The following EPS15 variants were observed in gnomAD, a reference collection of about 807,000 sequenced individuals.
The protein encoded by EPS15 is epidermal growth factor receptor substrate 15.
In EPS15, 72 loss-of-function variants were observed where a neutral mutation model predicts 113.8. The ratio of observed to expected loss-of-function variants is 0.63; its 90% CI spans 0.52 to 0.77. The LOEUF is 0.77. EPS15 is among the 30% of genes least tolerant of loss of function. EPS15 has a pLI of 0.00. For synonymous variants in EPS15, 344 were observed against 363.4 expected (o/e 0.95, Z 0.61); for missense variants, 1,048 against 1,045.8 (o/e 1.00, Z -0.03).
chr1:51,448,557 C>T (rs2148483961), intron 8 of EPS15, among the ~76,000 whole-genome samples: 1 of 152,158 alleles, frequency 6.6e-6, no homozygotes, highest in South Asian at 2.1e-4. Flanking sequence ...TTAAATGGTC[C>T]ATTCTTTAAC....
chr1:51,389,426 T>C (rs1647194673), intron 21 of EPS15, among the ~76,000 whole-genome samples: 1 of 152,342 alleles, frequency 6.6e-6, no homozygotes, highest in Admixed American at 6.5e-5. Context: ...GGATGCCCTC[T>C]CTCACCACTC....
At position 51,413,298 on chromosome 1, in the gene EPS15, C is replaced by G. The variant is rs565517911; in HGVS notation, c.1114-3602G>C. ...TCAAACTCTACTGTTTGTTCCTAAC[C>G]TCTACTGTCATACTTAATACACTGT... On this transcript the variant is annotated intron_variant, in intron 13 of 24. Coordinates refer to ENST00000371733, the MANE Select transcript of EPS15 (RefSeq NM_001981.3). Among the ~76,000 whole-genome samples the G allele has an allele frequency of 3.9e-5, 6 of 152,310 alleles. No individual in the cohort carries two copies. The East Asian group carries it at 1.2e-3, about 29-fold the overall frequency.
intron 22 of EPS15, among the ~76,000 whole-genome samples, chr1:51,364,635 C>T (rs2148349497): frequency 6.6e-6 from 1 of 152,094 alleles, no homozygotes; most frequent in Admixed American, 6.5e-5. Context: ...GCTAGGACTA[C>T]AGGTGTGTAC....
chr1:51,435,228 C>T (rs1402206591), intron 12 of EPS15, among the ~76,000 whole-genome samples: 1 of 151,714 alleles, frequency 6.6e-6, no homozygotes, highest in Non-Finnish European at 1.5e-5. Context: ...CACTCTGTTG[C>T]CTAAGCTGGA....
At chr1:51,403,127 A>C (rs1648743383) in intron 17 of EPS15, among the ~76,000 whole-genome samples, 1 of 152,164 alleles carries the variant, frequency 6.6e-6, no homozygotes, top group African/African-American at 2.4e-5. Context: ...TAGTGCCTCC[A>C]ACTCAGGCTC....
At chr1:51,454,517 C>A (rs1043224743) in intron 8 of EPS15, among the ~76,000 whole-genome samples, 1 of 152,176 alleles carries the variant, frequency 6.6e-6, no homozygotes, top group South Asian at 2.1e-4. Context: ...AAAAGCATTA[C>A]GCCTCCGTGT....
In EPS15 at chr1:51,356,845, T is replaced by C. The variant is rs1646228803; in HGVS notation, c.2546A>G (p.Tyr849Cys). 1.2e-6 allele frequency: 2 copies of C among 1,604,352 alleles called. No individual in the cohort carries two copies. The highest frequency in any genetic ancestry group is 2.2e-5 in the East Asian group (1 of 44,730). Reference protein sequence around the residue: ...DPSNFANFSAYPSEEDMIEWA... With the variant: ...DPSNFANFSACPSEEDMIEWA... ...TTCGATCATATCTTCTTCAGAGGGA[T>C]ACTGCCATTTAAAAGATCGATGAAC... Residue 849 changes from tyrosine (Y) to cysteine (C), a missense_variant and splice_region_variant, in exon 25 of 25, where the codon TAT becomes TGT. Physicochemically the swap from Tyr to Cys is radical, Grantham distance 194. Transcript: ENST00000371733.
At chr1:51,383,490 G>A (rs1245332617) in intron 21 of EPS15, among the ~76,000 whole-genome samples, 1 of 152,210 alleles carries the variant, frequency 6.6e-6, no homozygotes, top group Non-Finnish European at 1.5e-5. Context: ...CAGATCATCA[G>A]GTGTTAGATT....
intron 8 of EPS15, among the ~76,000 whole-genome samples, chr1:51,449,216 A>T (rs1168198437): frequency 7.0e-6 from 1 of 142,692 alleles, no homozygotes; most frequent in Non-Finnish European, 1.6e-5. Context: ...AGACTGGATT[A>T]AAAAAATGTG....
intron 21 of EPS15, among the ~76,000 whole-genome samples, chr1:51,376,435 G>A (rs1049949724): frequency 4.6e-5 from 7 of 151,906 alleles, no homozygotes; most frequent in South Asian, 2.1e-4. Context: ...AGGCCAAGGC[G>A]GGCAGATCAC....
intron 1 of EPS15, among the ~76,000 whole-genome samples, chr1:51,482,720 C>T (rs1022712319): frequency 6.6e-6 from 1 of 152,136 alleles, no homozygotes; most frequent in Non-Finnish European, 1.5e-5. Context: ...CCCGTTGTGG[C>T]TTCCCAAAGT....
At chr1:51,366,880 A>AC (rs1262012111) in intron 21 of EPS15, among the ~76,000 whole-genome samples, 2 of 152,166 alleles carry the variant, frequency 1.3e-5, no homozygotes, top group Non-Finnish European at 2.9e-5. Flanking sequence ...GTAATTGATC[A>AC]CCTTTATTAG....
rs767440413 is a variant in EPS15 at position 51,440,221 on chromosome 1, A to G, written c.1040+126T>C. 49 of 415,406 alleles carry G rather than the reference A, an allele frequency of 1.2e-4. No individual in the cohort carries two copies. The Middle Eastern group carries it at 2.5e-3, about 21-fold the overall frequency. The allele number at this position is 415,406 out of a possible 1,614,324, so 25.7% of individuals were successfully genotyped here. A position where few individuals can be genotyped will look rare whatever the true frequency, so the allele number is the denominator to read the frequency against. ...TATTAGGTAGCATTTATCAAAATAT[A>G]CATTAGAAACAGAAAGGTGTGTGTG... On this transcript the variant is annotated intron_variant, in intron 12 of 24. Transcript: ENST00000371733.
intron 11 of EPS15, among the ~76,000 whole-genome samples, chr1:51,441,506 A>G (rs1294526778): frequency 6.6e-6 from 1 of 152,124 alleles, no homozygotes; most frequent in Non-Finnish European, 1.5e-5. Context: ...AAACTAAGAT[A>G]TACTGCTGAC....
intron 1 of EPS15, among the ~76,000 whole-genome samples, chr1:51,483,220 A>G (rs1323550634): frequency 6.6e-6 from 1 of 152,160 alleles, no homozygotes; most frequent in Non-Finnish European, 1.5e-5. Flanking sequence ...ATAATACAAT[A>G]AGATATGTTG....
intron 12 of EPS15, among the ~76,000 whole-genome samples, chr1:51,432,666 A>C (rs976559467): frequency 6.6e-6 from 1 of 152,212 alleles, no homozygotes; most frequent in African/African-American, 2.4e-5. Flanking sequence ...GCCATATTTC[A>C]AGTGCTCAAT....
intron 22 of EPS15, among the ~76,000 whole-genome samples, chr1:51,364,560 T>A (rs1466170312): frequency 6.6e-6 from 1 of 151,966 alleles, no homozygotes; most frequent in African/African-American, 2.4e-5. Flanking sequence ...AGTGGCACAA[T>A]CATAGCTCAC....
intron 13 of EPS15, among the ~76,000 whole-genome samples, chr1:51,417,056 A>C (rs1200767659): frequency 1.3e-5 from 2 of 152,108 alleles, no homozygotes; most frequent in African/African-American, 2.4e-5. Context: ...CCCCATTAAC[A>C]GACTGCCTTT....
Position 51,356,771 on chromosome 1 carries a change from G to T in EPS15, c.2620C>A (p.Leu874Ile). ...AAGTCTTCTTGTTCCTGCTGATTTA[G>T]TCGGGCAAGCCTCTGCTCTTCCTCT... Reference protein sequence around the residue: ...EREEEQRLARLNQQEQEDLEL... With the variant: ...EREEEQRLARINQQEQEDLEL... Residue 874 changes from leucine (L) to isoleucine (I), a missense_variant, in exon 25 of 25, where the codon CTA becomes ATA. Leu to Ile is a conservative substitution (Grantham distance 5, BLOSUM62 2). Transcript: ENST00000371733. 1 of 1,613,906 alleles carries T rather than the reference G, an allele frequency of 6.2e-7. No individual in the cohort carries two copies.
Sources: gnomAD v4.1 joint callset for allele counts (sites outside exome capture counted in the v4.1 genomes callset) on GRCh38, gnomAD v4.1.1 for gene constraint, MANE v1.5 for transcripts, NCBI Gene and HGNC (gene_info 2026-07-23, HGNC 2026-07-21) for gene names.